The following COL19A1 variants were observed in gnomAD, a reference collection of about 807,000 sequenced individuals.
The protein encoded by COL19A1 is collagen type XIX alpha 1 chain, also known as collagen alpha-1(XIX) chain.
Under a neutral mutation model 190.2 loss-of-function variants are expected in COL19A1, and 159 were observed. That is an observed-to-expected ratio of 0.84 (90% confidence interval 0.73 to 0.95). The LOEUF (loss-of-function observed/expected upper bound fraction) is 0.95. COL19A1 is among the 40% of genes least tolerant of loss of function. The probability of loss-of-function intolerance (pLI) is 0.00; values close to 1 mark genes in which losing one functional copy is unlikely to be tolerated. For missense variants in COL19A1, 1,418 were observed against 1,431.9 expected, an observed-to-expected ratio of 0.99 and a Z score of 0.16; for synonymous variants, 509 against 458.9, an observed-to-expected ratio of 1.11 and a Z score of -1.39.
intron 9 of COL19A1, among the ~76,000 whole-genome samples, chr6:69,950,271 A>G (rs565008718): frequency 6.6e-6 from 1 of 151,882 alleles, no homozygotes; most frequent in Non-Finnish European, 1.5e-5. Flanking sequence ...AAATGTATTT[A>G]TGGAATGTGG....
intron 11 of COL19A1, among the ~76,000 whole-genome samples, chr6:69,977,603 C>A (rs1356867761): frequency 6.6e-6 from 1 of 151,560 alleles, no homozygotes; most frequent in Non-Finnish European, 1.5e-5. Flanking sequence ...AAGAAAGGTT[C>A]AGGCTGGCTT....
At chr6:70,166,059 C>A in intron 37 of COL19A1, 74 bp downstream of exon 37, 2 of 1,208,920 alleles carry the variant, frequency 1.7e-6, no homozygotes, top group Non-Finnish European at 2.5e-6. Flanking sequence ...GGTAAGACTA[C>A]ATTTAGATGT....
chr6:70,100,948 A>C (rs945205185), intron 15 of COL19A1, among the ~76,000 whole-genome samples: 1 of 152,106 alleles, frequency 6.6e-6, no homozygotes, highest in Admixed American at 6.6e-5. Flanking sequence ...TTGCTTGTTT[A>C]TCTCTGAAAA....
intron 2 of COL19A1, among the ~76,000 whole-genome samples, chr6:69,898,280 A>C (rs1461647496): frequency 1.3e-5 from 2 of 152,194 alleles, no homozygotes; most frequent in African/African-American, 4.8e-5. Flanking sequence ...CAATTTAAAC[A>C]TGTCCTAAGA....
chr6:69,938,087 A>G lies in COL19A1; in HGVS notation c.923A>G (p.His308Arg). ...CCGGGTTCACCTGGGCAGAAAGGGC[A>G]TAAAGGAGAGCCGGTAAGAAAAAAA... ...GAPGSPGQKG[H>R]KGEPGENGLH... Residue 308 changes from histidine to arginine, a missense_variant, in exon 9 of 51, where the codon CAT becomes CGT. Physicochemically the swap from His to Arg is conservative, Grantham distance 29. Coordinates refer to ENST00000620364, the MANE Select transcript of COL19A1 (RefSeq NM_001858.6). The G allele has an allele frequency of 6.2e-7, 1 of 1,612,784 alleles. No individual in the cohort carries two copies. Among genetic ancestry groups the G allele is most frequent in the Non-Finnish European group, 8.5e-7 (1 of 1,179,160 alleles).
At chr6:70,082,286 T>C (rs887719573) in intron 15 of COL19A1, among the ~76,000 whole-genome samples, 4 of 152,226 alleles carry the variant, frequency 2.6e-5, no homozygotes, top group African/African-American at 9.6e-5. Flanking sequence ...AAATAAAAGT[T>C]GTAAATAATA....
intron 1 of COL19A1, 39 bp downstream of exon 1, chr6:69,866,679 C>G (rs965531187): frequency 6.6e-6 from 1 of 152,316 alleles, no homozygotes; most frequent in African/African-American, 2.4e-5. Flanking sequence ...TGCACTTGCC[C>G]TCTCACACAT....
intron 9 of COL19A1, among the ~76,000 whole-genome samples, chr6:69,947,480 T>C (rs1773889803): frequency 6.6e-6 from 1 of 151,914 alleles, no homozygotes; most frequent in Admixed American, 6.6e-5. Context: ...TTGTCGTATT[T>C]TTCCCTATAT....
chr6:70,056,690 A>G (rs1780521207), intron 14 of COL19A1, among the ~76,000 whole-genome samples: 1 of 152,100 alleles, frequency 6.6e-6, no homozygotes, highest in Non-Finnish European at 1.5e-5. Flanking sequence ...TAATCCTCCT[A>G]AGAAAATGGA....
At chr6:70,147,334 A>G (rs1413530618) in intron 27 of COL19A1, among the ~76,000 whole-genome samples, 2 of 152,170 alleles carry the variant, frequency 1.3e-5, no homozygotes, top group African/African-American at 4.8e-5. Flanking sequence ...GAGTGAAGAG[A>G]TGATGTTTTC....
rs1211540991 is a variant in COL19A1 at position 70,168,741 on chromosome 6, GA to G, written c.2568+64del. ...TATTGGTCTTTGTTAAATTTTGAAA[GA>G]AAAGCATCGGGCAAAATGGCCTGCC... On this transcript the variant is annotated intron_variant, in intron 40 of 50. Coordinates refer to ENST00000620364, the MANE Select transcript of COL19A1 (RefSeq NM_001858.6). The G allele has an allele frequency of 6.3e-6, 10 of 1,586,564 alleles. No homozygotes were observed. The African/African-American group carries it at 1.2e-4, about 19-fold the overall frequency.
chr6:69,983,716 A>G (rs1000434249), intron 11 of COL19A1, among the ~76,000 whole-genome samples: 8 of 152,128 alleles, frequency 5.3e-5, no homozygotes, highest in Non-Finnish European at 1.0e-4. Context: ...TGAGATGGTA[A>G]TATAATTTTC....
At position 69,996,988 on chromosome 6, in the gene COL19A1, C is replaced by T. The variant is rs146261813; in HGVS notation, c.1027-26639C>T. 6.2e-3 allele frequency among the ~76,000 whole-genome samples: 788 copies of T among 127,860 alleles called. 18 individuals are homozygous for T. In the East Asian group the frequency reaches 0.075, roughly 12 times the overall value. 83.9% of individuals were successfully genotyped at this position (127,860 alleles called of 152,430 possible). ...GTATGTGTACATATATGTATGTGTA[C>T]GTATGTGTGTGTGTGTTTATATATA... On this transcript the variant is annotated intron_variant, in intron 11 of 50. Transcript: ENST00000620364.
At chr6:70,177,781 C>T (rs1381602472) in intron 42 of COL19A1, among the ~76,000 whole-genome samples, 1 of 152,176 alleles carries the variant, frequency 6.6e-6, no homozygotes, top group Non-Finnish European at 1.5e-5. Flanking sequence ...TACTCACATC[C>T]TGTGATTTGA....
intron 15 of COL19A1, among the ~76,000 whole-genome samples, chr6:70,096,084 ATT>A (rs70987498): frequency 5.7e-5 from 8 of 141,262 alleles, no homozygotes; most frequent in Admixed American, 7.1e-5. Context: ...CGGTAACTCT[ATT>A]TTTTTTTTTT....
At chr6:69,915,543 C>A (rs955827965) in intron 4 of COL19A1, among the ~76,000 whole-genome samples, 1 of 152,106 alleles carries the variant, frequency 6.6e-6, no homozygotes, top group Admixed American at 6.6e-5. Context: ...AGATACTTCA[C>A]CTTCATTAAG....
intron 9 of COL19A1, among the ~76,000 whole-genome samples, chr6:69,950,246 C>T (rs1774046448): frequency 6.6e-6 from 1 of 151,786 alleles, no homozygotes; most frequent in African/African-American, 2.4e-5. Flanking sequence ...GTACACTAAA[C>T]AACACAATTT....
chr6:69,940,042 G>A (rs995628423), intron 9 of COL19A1, among the ~76,000 whole-genome samples: 1 of 150,866 alleles, frequency 6.6e-6, no homozygotes, highest in Non-Finnish European at 1.5e-5. Context: ...GAAATTTCAT[G>A]TGTTGCTTTT....
At position 69,921,452 on chromosome 6, in the gene COL19A1, C is replaced by G. The variant is rs905791192; in HGVS notation, c.267-6457C>G. On this transcript the variant is annotated intron_variant, in intron 4 of 50. Coordinates refer to ENST00000620364, the MANE Select transcript of COL19A1 (RefSeq NM_001858.6). ...CATATATATCATATATATCATATAT[C>G]ATATATATCATATATATTCATATAT... is the stretch of plus-strand genomic sequence containing the variant. Among the ~76,000 whole-genome samples, 27 of 116,034 alleles carry G rather than the reference C, an allele frequency of 2.3e-4. 5 individuals are homozygous for G. Among genetic ancestry groups the G allele is most frequent in the African/African-American group, 1.0e-3 (26 of 25,466 alleles). The allele number at this position is 116,034 out of a possible 152,430, so 76.1% of individuals were successfully genotyped here. A position where few individuals can be genotyped will look rare whatever the true frequency, so the allele number is the denominator to read the frequency against.
Sources: allele counts gnomAD v4.1 joint callset (sites outside exome capture counted in the v4.1 genomes callset), GRCh38; gene constraint gnomAD v4.1.1; transcripts MANE v1.5; gene names NCBI Gene and HGNC (gene_info 2026-07-23, HGNC 2026-07-21).